ATG16L1: variants seen among roughly 807,000 people sequenced by gnomAD.
ATG16L1 encodes autophagy related 16 like 1.
ATG16L1 carries 37 observed loss-of-function variants against 88.5 expected under a neutral mutation model. The observed-to-expected ratio is 0.42, with a 90% confidence interval of 0.32 to 0.55. The LOEUF is 0.55. Ranked by LOEUF, ATG16L1 falls within the 20% of genes least tolerant of loss-of-function variation. The pLI is 0.13. For synonymous variants in ATG16L1, 301 were observed against 281.0 expected, an observed-to-expected ratio of 1.07 and a Z score of -0.71; for missense variants, 554 against 752.8, an observed-to-expected ratio of 0.74 and a Z score of 3.09.
rs763471527 is a variant in ATG16L1, at chr2:233,294,355, G to T, written c.*5G>T. The stretch of plus-strand genomic sequence containing the variant: ...GTGCTGTGGGCACAGTACTGACGGG[G>T]CTCTCAGGGCTGGGAGGACCCCAGT... On this transcript the variant is annotated 3_prime_UTR_variant, in exon 18 of 18. Coordinates refer to ENST00000392017, the MANE Select transcript of ATG16L1 (RefSeq NM_030803.7). The T allele has an allele frequency of 2.5e-6, 4 of 1,612,440 alleles. No individual in the cohort carries two copies. Among genetic ancestry groups the T allele is most frequent in the South Asian group, 2.2e-5 (2 of 91,024 alleles).
chr2:233,294,392 A>G lies in ATG16L1; in HGVS notation c.*42A>G. 6.5e-7 allele frequency: 1 copy of G among 1,533,248 alleles called. No individual in the cohort carries two copies. 95.0% of individuals were successfully genotyped at this position (1,533,248 alleles called of 1,614,324 possible). A position where few individuals can be genotyped will look rare whatever the true frequency, so the allele number is the denominator to read the frequency against. On this transcript the variant is annotated 3_prime_UTR_variant, in exon 18 of 18. Coordinates refer to ENST00000392017, the MANE Select transcript of ATG16L1 (RefSeq NM_030803.7). ...GGGAGGACCCCAGTGCCCTCCTCAG[A>G]AGAAGCACATGGGCTCCTGCAGCCC...
At chr2:233,283,096 T>C in intron 12 of ATG16L1, 1 of 236,882 alleles carries the variant, frequency 4.2e-6, no homozygotes, top group South Asian at 6.0e-5. Context: ...TAAAACCTAA[T>C]TACCTAAAGT....
At chr2:233,291,631 C>G (rs557814286) in intron 14 of ATG16L1, among the ~76,000 whole-genome samples, 1 of 152,082 alleles carries the variant, frequency 6.6e-6, no homozygotes. Flanking sequence ...GAGGGAGGTG[C>G]GTAGGGCCGT....
chr2:233,273,835 A>T (rs1046949505), intron 8 of ATG16L1, 58 bp downstream of exon 8: 1 of 1,573,150 alleles, frequency 6.4e-7, no homozygotes, highest in South Asian at 1.1e-5. Context: ...GTATATGTAC[A>T]TGACTTATTT....
intron 10 of ATG16L1, among the ~76,000 whole-genome samples, chr2:233,280,730 A>C (rs1177530968): frequency 6.6e-6 from 1 of 152,242 alleles, no homozygotes. Context: ...ATATTTATGT[A>C]TGTAAGTTTT....
chr2:233,279,725 A>G (rs1418834582), intron 10 of ATG16L1, among the ~76,000 whole-genome samples: 1 of 152,112 alleles, frequency 6.6e-6, no homozygotes, highest in Non-Finnish European at 1.5e-5. Context: ...TCCACTGGGA[A>G]TTATACAAAT....
chr2:233,256,333 A>C (rs1696773805), intron 2 of ATG16L1, 138 bp downstream of exon 2: 4 of 720,906 alleles, frequency 5.5e-6, no homozygotes, highest in African/African-American at 1.8e-5. Context: ...TCAAATAAGA[A>C]CTAAAACCAT....
intron 4 of ATG16L1, among the ~76,000 whole-genome samples, chr2:233,264,653 T>C (rs1241998329): frequency 6.6e-6 from 1 of 152,188 alleles, no homozygotes; most frequent in Non-Finnish European, 1.5e-5. Flanking sequence ...AAATCCCCTT[T>C]ACCAATCTAA....
intron 8 of ATG16L1, 167 bp from the exon 9 acceptor site, chr2:233,274,509 T>C (rs1698209192): frequency 3.8e-6 from 2 of 533,022 alleles, no homozygotes. Context: ...GTGAGGGTGC[T>C]TTTGATTTTT....
In ATG16L1 at chr2:233,281,114, A is replaced by G. The variant is rs1698692516; in HGVS notation, c.1070A>G (p.Glu357Gly). The G allele has an allele frequency of 1.3e-6, 2 of 1,597,408 alleles. No individual in the cohort carries two copies. The highest frequency in any genetic ancestry group is 1.7e-6 in the Non-Finnish European group (2 of 1,174,580). The change falls in exon 11 of 18, where the codon GAG (glutamate) becomes GGG (glycine). Residue 357 changes from glutamate to glycine, a missense_variant. By Grantham distance (98) the Glu-to-Gly change is moderately conservative. Around this residue, in one of 5 missense-constraint regions of ATG16L1, gnomAD observed 370 missense variants for 509.7 expected, o/e 0.73. Coordinates refer to ENST00000392017, the MANE Select transcript of ATG16L1 (RefSeq NM_030803.7). ...KLWEVFGEKC[E>G]FKGSLSGSNA... ...TTTTCTTTTTATACAGAAAAATGTGAGTTCAAGGGTTCCCTATCTGGCAGT... is the reference window on the plus strand; with the variant it reads ...TTTTCTTTTTATACAGAAAAATGTGGGTTCAAGGGTTCCCTATCTGGCAGT...
At chr2:233,278,536 T>C (rs187127080) in intron 10 of ATG16L1, among the ~76,000 whole-genome samples, 2 of 152,284 alleles carry the variant, frequency 1.3e-5, no homozygotes, top group Admixed American at 1.3e-4. Context: ...GATTGCGCCA[T>C]TTCACAGATA....
intron 2 of ATG16L1, among the ~76,000 whole-genome samples, chr2:233,258,131 C>A (rs1032801571): frequency 2.0e-5 from 3 of 151,802 alleles, no homozygotes; most frequent in African/African-American, 4.8e-5. Flanking sequence ...TACTGGGTCA[C>A]TGGTGTGCAT....
chr2:233,289,796 C>A (rs1020761367), intron 12 of ATG16L1, 58 bp from the exon 13 acceptor site: 7 of 1,594,844 alleles, frequency 4.4e-6, no homozygotes, highest in Non-Finnish European at 6.0e-6. Context: ...GGATACTTTG[C>A]CAGCATAGGC....
At chr2:233,292,087 C>A in intron 14 of ATG16L1, 41 bp from the exon 15 acceptor site, 1 of 1,604,450 alleles carries the variant, frequency 6.2e-7, no homozygotes, top group Non-Finnish European at 8.5e-7. Context: ...TGAAGTAGTT[C>A]TGGCCTACGT....
chr2:233,270,000 A>G lies in ATG16L1; in HGVS notation c.642-2A>G. The G allele has an allele frequency of 1.3e-6, 2 of 1,569,308 alleles. No homozygotes were observed. Among genetic ancestry groups the G allele is most frequent in the Non-Finnish European group, 8.6e-7 (1 of 1,163,746 alleles). On this transcript the variant is annotated splice_acceptor_variant, in intron 5 of 17. Transcript: ENST00000392017. LOFTEE classifies it high-confidence loss of function. The stretch of plus-strand genomic sequence containing the variant: ...GGGCTTTTTTTTTTTTTTTCCCAAC[A>G]GGAGGCGGCAAGCCCGGCTGCAGAA...
chr2:233,291,492 C>G (rs1376034299), intron 14 of ATG16L1, among the ~76,000 whole-genome samples: 2 of 152,166 alleles, frequency 1.3e-5, no homozygotes, highest in Admixed American at 1.3e-4. Flanking sequence ...GAAAAGGTTT[C>G]ATTGAAAGCC....
chr2:233,270,016 G>A lies in ATG16L1; in HGVS notation c.656G>A (p.Arg219Gln), dbSNP rs115732365. Residue 219 changes from arginine (R) to glutamine (Q), a missense_variant, in exon 6 of 18, where the codon CGG becomes CAG. Around this residue, in one of 5 missense-constraint regions of ATG16L1, gnomAD observed 370 missense variants for 509.7 expected, o/e 0.73. Transcript: ENST00000392017. ...NEKDSRRRQARLQKELAEAAK... is the reference protein window; with the variant it reads ...NEKDSRRRQAQLQKELAEAAK... Reference sequence around the variant, plus strand: ...TTTCCCAACAGGAGGCGGCAAGCCCGGCTGCAGAAAGAGCTTGCAGAAGCA... The same window carrying A: ...TTTCCCAACAGGAGGCGGCAAGCCCAGCTGCAGAAAGAGCTTGCAGAAGCA... 3.0e-4 allele frequency: 474 copies of A among 1,575,136 alleles called. 2 individuals are homozygous for A. The African/African-American group carries it at 4.9e-3, about 16-fold the overall frequency.
chr2:233,256,091 TA>T lies in ATG16L1; in HGVS notation c.116-10del. ...TAAATAACTTAGTTTCTGACTTTTT[TA>T]TTTTAATAGATAACAAATTGCTGGA... On this transcript the variant is annotated splice_polypyrimidine_tract_variant and intron_variant, in intron 1 of 17. Transcript: ENST00000392017. The T allele has an allele frequency of 6.2e-7, 1 of 1,609,992 alleles. No homozygotes were observed.
At chr2:233,255,806 A>G (rs1696737010) in intron 1 of ATG16L1, among the ~76,000 whole-genome samples, 1 of 152,248 alleles carries the variant, frequency 6.6e-6, no homozygotes, top group Non-Finnish European at 1.5e-5. Flanking sequence ...AGATATGTCA[A>G]CTTATGGTAA....
Sources: allele counts gnomAD v4.1 joint callset (sites outside exome capture counted in the v4.1 genomes callset), GRCh38; gene constraint gnomAD v4.1.1; regional missense constraint gnomAD v4.1.1; transcripts MANE v1.5; gene names NCBI Gene and HGNC (gene_info 2026-07-23, HGNC 2026-07-21).